Variants in TSHZ3 observed in about 807,000 individuals in gnomAD.
TSHZ3 encodes teashirt zinc finger homeobox 3.
A neutral mutation model predicts 64.5 loss-of-function variants in TSHZ3; 10 were observed. That is an observed-to-expected ratio of 0.16 (90% CI 0.10 to 0.26). The LOEUF (loss-of-function observed/expected upper bound fraction) is 0.26. Among genes scored for constraint, TSHZ3 ranks in the 10% least tolerant of loss-of-function variants. The probability of loss-of-function intolerance (pLI) is 1.00; values close to 1 mark genes in which losing one functional copy is unlikely to be tolerated. For missense variants in TSHZ3, 1,242 were observed against 1,421.7 expected (o/e 0.87, Z 2.03); for synonymous variants, 608 against 593.1 (o/e 1.03, Z -0.36).
chr19:31,250,732 G>A (rs758034281), intron 1 of TSHZ3, among the ~76,000 whole-genome samples: 15 of 152,192 alleles, frequency 9.9e-5, no homozygotes, highest in Admixed American at 2.0e-4. Context: ...CATCTCATCT[G>A]TGAAGTGGGG....
chr19:31,248,788 G>GAA (rs60222074), intron 1 of TSHZ3, among the ~76,000 whole-genome samples: 7 of 91,222 alleles, frequency 7.7e-5, no homozygotes, highest in African/African-American at 1.6e-4. Context: ...GACCCTGTTT[G>GAA]AAAAAAAAAA....
At chr19:31,349,677 G>T (rs2021646782), upstream of TSHZ3, 1 of 151,564 alleles carries the variant, frequency 6.6e-6, no homozygotes, top group South Asian at 2.1e-4. Flanking sequence ...GGCGGGCAGA[G>T]CGGTGGGAGG....
chr19:31,177,191 T>C (rs1186485695), intron 5 of TSHZ3, among the ~76,000 whole-genome samples: 1 of 152,202 alleles, frequency 6.6e-6, no homozygotes, highest in Non-Finnish European at 1.5e-5. Flanking sequence ...GAAGGATGCA[T>C]CAATGGACCA....
chr19:31,349,740 C>T (rs1164703953), upstream of TSHZ3, among the ~76,000 whole-genome samples: 22 of 147,204 alleles, frequency 1.5e-4, no homozygotes, highest in African/African-American at 5.0e-4. Flanking sequence ...GCCCCTAGGC[C>T]GGGGGTCACG....
upstream of TSHZ3, among the ~76,000 whole-genome samples, chr19:31,349,722 C>T (rs2021648943): frequency 6.8e-6 from 1 of 147,230 alleles, no homozygotes; most frequent in African/African-American, 2.5e-5. Flanking sequence ...GGTACTGCCC[C>T]GGCCCCCGCC....
At position 31,255,678 on chromosome 19, in the gene TSHZ3, G is replaced by A. The variant is rs138340488; in HGVS notation, n.64-12803C>T. ...AGCACCCCGGGGTTTCTGGGGGCAG[G>A]GTCAGCTTGCCCTAAGACAGGCAGA... On this transcript the variant is annotated intron_variant and non_coding_transcript_variant, in intron 1 of 6. Transcript: ENST00000651361. 3.3e-3 allele frequency among the ~76,000 whole-genome samples: 496 copies of A among 152,214 alleles called. 3 individuals carry two copies. The highest frequency in any genetic ancestry group is 0.011 in the African/African-American group (448 of 41,520).
At chr19:31,175,441 T>A (rs1049208379) in intron 5 of TSHZ3, among the ~76,000 whole-genome samples, 27 of 22,332 alleles carry the variant, frequency 1.2e-3, no homozygotes, top group African/African-American at 6.5e-3. Context: ...TTTGTTTGTG[T>A]TTTTTTTACA....
Position 31,252,853 on chromosome 19 carries a change from G to A in TSHZ3, n.64-9978C>T, listed in dbSNP as rs146685038. ...AAACATTTACAGGTTCCAGGGATCAGGATGTGGGCATATCTTTTTGGAGAC... is the reference window on the plus strand; with the variant it reads ...AAACATTTACAGGTTCCAGGGATCAAGATGTGGGCATATCTTTTTGGAGAC... On this transcript the variant is annotated intron_variant and non_coding_transcript_variant, in intron 1 of 6. Coordinates refer to the TSHZ3 transcript ENST00000651361. 3.3e-3 allele frequency among the ~76,000 whole-genome samples: 500 copies of A among 152,316 alleles called. 2 individuals are homozygous for A. The highest frequency in any genetic ancestry group is 0.011 in the African/African-American group (448 of 41,566).
rs755268895 is a variant in TSHZ3, at chr19:31,276,783, G to A, written c.3010C>T (p.Arg1004Trp). ...TCGGTGGACAGTTTGGATAAGTCCC[G>A]TAGCCGGAAGCCTAAGTGTGACTCT... The part of the protein sequence containing the change: ...HLESHLGFRL[R>W]DLSKLSTEQI... Residue 1004 changes from arginine to tryptophan, a missense_variant, in exon 2 of 2, where the codon CGG (arginine) becomes TGG (tryptophan). Transcript: ENST00000240587. The A allele has an allele frequency of 6.8e-6, 11 of 1,614,128 alleles. No homozygotes were observed. The highest frequency in any genetic ancestry group is 1.3e-5 in the African/African-American group (1 of 75,050).
intron 1 of TSHZ3, among the ~76,000 whole-genome samples, chr19:31,321,796 G>A (rs1916780035): frequency 6.6e-6 from 1 of 151,914 alleles, no homozygotes; most frequent in African/African-American, 2.4e-5. Context: ...TATATATTAT[G>A]TATGAGTAAA....
Position 31,277,903 on chromosome 19 carries a change from C to T in TSHZ3, c.1890G>A (p.Glu630=). ...TGGGCGGGGAAAGCTTCCCATCCGG[C>T]TCCTTCATCTTCTCCTCCACTTTGG... ...KVAKVEEKMK[E]PDGKLSPPKR... is the part of the protein sequence containing the mutation. Residue 630 remains glutamate, a synonymous_variant, in exon 2 of 2, where the codon GAG becomes GAA. Coordinates refer to ENST00000240587, the MANE Select transcript of TSHZ3 (RefSeq NM_020856.4). The surrounding 1 kb of genome is among the most constrained non-coding windows in gnomAD (Gnocchi z 4.5). The T allele has an allele frequency of 6.2e-7, 1 of 1,613,654 alleles. No homozygotes were observed. The highest frequency in any genetic ancestry group is 2.2e-5 in the East Asian group (1 of 44,870).
chr19:31,277,804 G>T lies in TSHZ3; in HGVS notation c.1989C>A (p.Gly663=). ...PIKMEASSDG[G]FRSQENSPSP... is the part of the protein sequence containing the mutation. ...TGGGGCTGTTCTCCTGGCTGCGGAA[G>T]CCCCCATCGCTGGATGCCTCCATCT... The change falls in exon 2 of 2, where the codon GGC becomes GGA. Residue 663 remains glycine, a synonymous_variant. Transcript: ENST00000240587. The surrounding 1 kb of genome is among the most constrained non-coding windows in gnomAD (Gnocchi z 4.5). 6.5e-7 allele frequency: 1 copy of T among 1,543,476 alleles called. No individual in the cohort carries two copies.
At chr19:31,193,901 T>C (rs1436599119) in intron 5 of TSHZ3, among the ~76,000 whole-genome samples, 1 of 152,190 alleles carries the variant, frequency 6.6e-6, no homozygotes, top group Admixed American at 6.5e-5. Flanking sequence ...ATAGTAATGT[T>C]TTCTGGTTCA....
chr19:31,347,779 A>G (rs1221044730), intron 1 of TSHZ3, among the ~76,000 whole-genome samples: 1 of 152,150 alleles, frequency 6.6e-6, no homozygotes, highest in Admixed American at 6.5e-5. Flanking sequence ...CTGGCAGGCA[A>G]GTACATTTCT....
intron 1 of TSHZ3, among the ~76,000 whole-genome samples, chr19:31,257,395 G>A (rs1405183702): frequency 2.6e-5 from 4 of 152,194 alleles, no homozygotes; most frequent in Admixed American, 2.0e-4. Context: ...AACAGTATAT[G>A]TGAGTAGTTT....
intron 1 of TSHZ3, among the ~76,000 whole-genome samples, chr19:31,253,833 A>G (rs1205914103): frequency 6.6e-6 from 1 of 152,214 alleles, no homozygotes; most frequent in Admixed American, 6.5e-5. Context: ...GCAAAGGGAC[A>G]GGAATGAAGA....
chr19:31,184,255 T>C (rs901050203), intron 5 of TSHZ3, among the ~76,000 whole-genome samples: 22 of 152,254 alleles, frequency 1.4e-4, no homozygotes, highest in Non-Finnish European at 5.9e-5. Context: ...TTGTCTTGTA[T>C]AGTTTTTATT....
intron 1 of TSHZ3, among the ~76,000 whole-genome samples, chr19:31,317,257 G>A (rs765104023): frequency 1.4e-4 from 22 of 152,260 alleles, no homozygotes; most frequent in East Asian, 3.9e-4. Context: ...GCATTAAAAC[G>A]CTGATATGCT....
At chr19:31,281,775 T>C (rs1976364509) in intron 1 of TSHZ3, among the ~76,000 whole-genome samples, 1 of 152,206 alleles carries the variant, frequency 6.6e-6, no homozygotes, top group Admixed American at 6.5e-5. Flanking sequence ...TCACTCTCCC[T>C]CACCTGCCCC....
Sources: gnomAD v4.1 joint callset for allele counts (sites outside exome capture counted in the v4.1 genomes callset) on GRCh38, gnomAD v4.1.1 for gene constraint, Gnocchi (gnomAD v3.1) non-coding constraint, MANE v1.5 for transcripts, NCBI Gene and HGNC (gene_info 2026-07-23, HGNC 2026-07-21) for gene names.